Variants in RPTOR observed in about 807,000 individuals in gnomAD.
RPTOR encodes the protein regulatory associated protein of MTOR complex 1, also known as regulatory-associated protein of mTOR.
Under a neutral mutation model 169.9 loss-of-function variants are expected in RPTOR, and 21 were observed. That is an observed-to-expected ratio of 0.12 (90% CI 0.09 to 0.18). The LOEUF (loss-of-function observed/expected upper bound fraction) is 0.18, where lower values mean the gene tolerates loss of function less well. Among genes scored for constraint, RPTOR ranks in the 10% least tolerant of loss-of-function variants. The pLI is 1.00. For missense variants in RPTOR, 1,133 were observed against 1,855.9 expected (o/e 0.61, Z 7.16); for synonymous variants, 732 against 753.2 (o/e 0.97, Z 0.46).
At chr17:80,702,342 T>C (rs1312791043) in intron 3 of RPTOR, among the ~76,000 whole-genome samples, 9 of 152,242 alleles carry the variant, frequency 5.9e-5, no homozygotes, top group African/African-American at 1.9e-4. Context: ...ACCTTGAGAT[T>C]TGGCATTTCA....
At chr17:80,631,411 G>A (rs191039148) in intron 2 of RPTOR, among the ~76,000 whole-genome samples, 36 of 152,248 alleles carry the variant, frequency 2.4e-4, no homozygotes, top group Middle Eastern at 3.4e-3. Context: ...GTTTCCACAC[G>A]GATATGCAAG....
chr17:80,693,789 G>C (rs552280256), intron 3 of RPTOR, among the ~76,000 whole-genome samples: 309 of 152,344 alleles, frequency 2.0e-3, no homozygotes, highest in African/African-American at 7.0e-3. Flanking sequence ...AGGGGCCAGA[G>C]AGCTGACTCA....
At chr17:80,796,442 G>A (rs2067102225) in intron 7 of RPTOR, among the ~76,000 whole-genome samples, 1 of 152,182 alleles carries the variant, frequency 6.6e-6, no homozygotes, top group African/African-American at 2.4e-5. Context: ...GAAAGGGAAG[G>A]GTAAGCAAGG....
chr17:80,717,260 A>G (rs2066247115), intron 4 of RPTOR, among the ~76,000 whole-genome samples: 2 of 152,004 alleles, frequency 1.3e-5, no homozygotes, highest in Admixed American at 6.5e-5. Flanking sequence ...TCCCAGTCTT[A>G]TGTATATTGT....
Position 80,659,800 on chromosome 17 carries a change from A to G in RPTOR, c.348+15990A>G, listed in dbSNP as rs2065707583. Reference sequence around the variant, plus strand: ...TACAGGCGTGAGCCACTGCGCCCGGACCATCTGGCTAATTTAAAAAATTTT... The same window carrying G: ...TACAGGCGTGAGCCACTGCGCCCGGGCCATCTGGCTAATTTAAAAAATTTT... On this transcript the variant is annotated intron_variant, in intron 3 of 33. Transcript: ENST00000306801. This position sits in a 1 kb window ranked among gnomAD's most constrained non-coding sequence, Gnocchi z 4.3. Among the ~76,000 whole-genome samples the G allele has an allele frequency of 6.6e-6, 1 of 151,914 alleles. No individual in the cohort carries two copies. The highest frequency in any genetic ancestry group is 2.1e-4 in the South Asian group (1 of 4,808).
chr17:80,727,350 C>T (rs1272774317), intron 4 of RPTOR, among the ~76,000 whole-genome samples: 1 of 150,528 alleles, frequency 6.6e-6, no homozygotes, highest in Non-Finnish European at 1.5e-5. Flanking sequence ...TGTCACACTC[C>T]AAGATCATGG....
At chr17:80,732,238 A>G (rs2143211671) in intron 5 of RPTOR, among the ~76,000 whole-genome samples, 1 of 152,360 alleles carries the variant, frequency 6.6e-6, no homozygotes, top group South Asian at 2.1e-4. Flanking sequence ...GTTCTACACC[A>G]GATTTATGGG....
In RPTOR at chr17:80,844,591, G is replaced by A. The variant is rs562585976; in HGVS notation, c.1213-1882G>A. On this transcript the variant is annotated intron_variant, in intron 10 of 33. Coordinates refer to ENST00000306801, the MANE Select transcript of RPTOR (RefSeq NM_020761.3). This position sits in a 1 kb window ranked among gnomAD's most constrained non-coding sequence, Gnocchi z 4.7. ...TGGGGGCTCCAAGCCAGCTCCACAG[G>A]TTGCCCTCCAAGTGTGATTAACTTT... Among the ~76,000 whole-genome samples, 17 of 152,320 alleles carry A rather than the reference G, an allele frequency of 1.1e-4. No homozygotes were observed. In the South Asian group the frequency reaches 3.3e-3, roughly 30 times the overall value.
chr17:80,691,778 T>C (rs143369515), intron 3 of RPTOR, among the ~76,000 whole-genome samples: 5 of 152,222 alleles, frequency 3.3e-5, no homozygotes, highest in Non-Finnish European at 7.3e-5. Flanking sequence ...GGGCTGCTCA[T>C]TGACCCTTGT....
chr17:80,930,557 G>A (rs1350529061), intron 24 of RPTOR, among the ~76,000 whole-genome samples: 1 of 42,542 alleles, frequency 2.4e-5, no homozygotes, highest in Non-Finnish European at 5.3e-5. Context: ...ACCCGCCTCA[G>A]GAGGACAGCT....
intron 28 of RPTOR, among the ~76,000 whole-genome samples, chr17:80,956,222 GA>G (rs10536983): frequency 0.026 from 3,781 of 146,436 alleles, 149 homozygotes; most frequent in African/African-American, 0.083. Flanking sequence ...GCTTCTCTAT[GA>G]AAAAAAAAAA....
At chr17:80,614,729 G>A (rs1335538137) in intron 1 of RPTOR, among the ~76,000 whole-genome samples, 2 of 152,210 alleles carry the variant, frequency 1.3e-5, no homozygotes, top group African/African-American at 4.8e-5. Context: ...CTGTAGCCAA[G>A]AGAGGCTTTG....
intron 25 of RPTOR, among the ~76,000 whole-genome samples, chr17:80,943,824 G>T (rs191371564): frequency 1.3e-5 from 2 of 151,428 alleles, no homozygotes; most frequent in South Asian, 4.2e-4. Flanking sequence ...TGAGGACACG[G>T]TTAGTAAGAG....
At chr17:80,932,655 GA>G (rs1310793038) in intron 24 of RPTOR, among the ~76,000 whole-genome samples, 5 of 152,134 alleles carry the variant, frequency 3.3e-5, no homozygotes, top group African/African-American at 1.2e-4. Context: ...CAGGTCTATA[GA>G]AAGTACCCAA....
Position 80,721,445 on chromosome 17 carries a change from C to T in RPTOR, c.508-9115C>T, listed in dbSNP as rs2066285649. On this transcript the variant is annotated intron_variant, in intron 4 of 33. Transcript: ENST00000306801. This position sits in a 1 kb window ranked among gnomAD's most constrained non-coding sequence, Gnocchi z 4.7. Reference sequence around the variant, plus strand: ...CTGCACGCACCTGGTGCAGGAGCAGCAGAAGCCATGCTGGCTCTTCCTGCT... The same window carrying T: ...CTGCACGCACCTGGTGCAGGAGCAGTAGAAGCCATGCTGGCTCTTCCTGCT... Among the ~76,000 whole-genome samples, 1 of 151,436 alleles carries T rather than the reference C, an allele frequency of 6.6e-6. No individual in the cohort carries two copies. The highest frequency in any genetic ancestry group is 6.6e-5 in the Admixed American group (1 of 15,266).
chr17:80,840,934 ACTCT>A (rs753708899), intron 10 of RPTOR, among the ~76,000 whole-genome samples: 1 of 98,968 alleles, frequency 1.0e-5, no homozygotes, highest in Non-Finnish European at 1.9e-5. Context: ...ACGGCAGCTC[ACTCT>A]CTCTGCACCG....
chr17:80,957,483 G>A lies in RPTOR; in HGVS notation c.3371-141G>A, dbSNP rs566363370. The stretch of plus-strand genomic sequence containing the variant: ...GGTCCCTAGCGGGAGCTCATATGAG[G>A]CATATGGACCCACCAGATGGGCTCG... On this transcript the variant is annotated intron_variant, in intron 28 of 33. Coordinates refer to ENST00000306801, the MANE Select transcript of RPTOR (RefSeq NM_020761.3). This position sits in a 1 kb window ranked among gnomAD's most constrained non-coding sequence, Gnocchi z 4.6. 1.3e-3 allele frequency: 940 copies of A among 738,240 alleles called. 1 individual carries two copies. Among genetic ancestry groups the A allele is most frequent in the Non-Finnish European group, 2.1e-3 (856 of 414,490 alleles). 45.7% of individuals were successfully genotyped at this position (738,240 alleles called of 1,614,324 possible).
chr17:80,854,414 C>T (rs557918785), intron 11 of RPTOR, among the ~76,000 whole-genome samples: 1 of 152,366 alleles, frequency 6.6e-6, no homozygotes, highest in South Asian at 2.1e-4. Flanking sequence ...GCTCAGGCAG[C>T]AGGAAGCTGG....
chr17:80,647,605 G>T (rs1242787105), intron 3 of RPTOR, among the ~76,000 whole-genome samples: 3 of 152,150 alleles, frequency 2.0e-5, no homozygotes, highest in African/African-American at 7.2e-5. Context: ...AATTCTTCTG[G>T]TGCCTTAAAA....
Sources: gnomAD v4.1 joint callset for allele counts (sites outside exome capture counted in the v4.1 genomes callset) on GRCh38, gnomAD v4.1.1 for gene constraint, Gnocchi (gnomAD v3.1) non-coding constraint, MANE v1.5 for transcripts, NCBI Gene and HGNC (gene_info 2026-07-23, HGNC 2026-07-21) for gene names.